The following ANKRD30BL variants were observed in gnomAD, a reference collection of about 807,000 sequenced individuals.
The protein encoded by ANKRD30BL is ankyrin repeat domain 30B like, also known as putative ankyrin repeat domain-containing protein 30B-like.
ANKRD30BL carries 20 observed loss-of-function variants against 18.4 expected under a neutral mutation model. That is an observed-to-expected ratio of 1.09 (90% CI 0.77 to 1.58). The LOEUF is 1.58. ANKRD30BL is among the 40% of genes most tolerant of loss of function. ANKRD30BL has a pLI of 0.00. For synonymous variants in ANKRD30BL, 72 were observed against 100.9 expected, an observed-to-expected ratio of 0.71 and a Z score of 1.72; for missense variants, 224 against 268.6, an observed-to-expected ratio of 0.83 and a Z score of 1.16.
intron 1 of ANKRD30BL, among the ~76,000 whole-genome samples, chr2:132,160,418 T>TTC (rs1338056545): frequency 2.1e-5 from 3 of 143,842 alleles, no homozygotes; most frequent in East Asian, 2.1e-4. Flanking sequence ...TTTTTTTTTT[T>TTC]CAAATTTTAT....
chr2:132,236,308 A>G (rs200773471), intron 1 of ANKRD30BL, among the ~76,000 whole-genome samples: 4 of 152,046 alleles, frequency 2.6e-5, no homozygotes, highest in African/African-American at 4.8e-5. Context: ...AACACCAAAA[A>G]CAATGGCAAC....
At chr2:132,164,533 C>G (rs1198825734), upstream of ANKRD30BL, among the ~76,000 whole-genome samples, 1 of 151,778 alleles carries the variant, frequency 6.6e-6, no homozygotes, top group Admixed American at 6.6e-5. Flanking sequence ...TCAGGTGATC[C>G]GCCCACCTTG....
chr2:132,173,867 T>C (rs1688322002), intron 1 of ANKRD30BL, among the ~76,000 whole-genome samples: 1 of 152,168 alleles, frequency 6.6e-6, no homozygotes, highest in African/African-American at 2.4e-5. Context: ...AATGTCCTAA[T>C]TTTTTCTCTT....
At chr2:132,248,184 T>A (rs1392871105) in intron 1 of ANKRD30BL, among the ~76,000 whole-genome samples, 1 of 152,068 alleles carries the variant, frequency 6.6e-6, no homozygotes, top group Non-Finnish European at 1.5e-5. Flanking sequence ...AACTGCTCAA[T>A]CAAAACAAAG....
At chr2:132,201,626 A>C (rs1679100239) in intron 1 of ANKRD30BL, among the ~76,000 whole-genome samples, 1 of 152,312 alleles carries the variant, frequency 6.6e-6, no homozygotes, top group African/African-American at 2.4e-5. Context: ...GGCAATCATT[A>C]AAAAGTCAGG....
rs561417960 is a variant in ANKRD30BL at position 132,230,272 on chromosome 2, G to A, written n.441+27257C>T. Among the ~76,000 whole-genome samples the A allele has an allele frequency of 2.1e-4, 32 of 152,000 alleles. No homozygotes were observed. In the South Asian group the frequency reaches 3.7e-3, roughly 18 times the overall value. ...GAATCTGCAAGTGAATTTATGGACC[G>A]CTTTGAGGCCTTCATTGGAAACGGG... On this transcript the variant is annotated intron_variant and non_coding_transcript_variant, in intron 1 of 4. Coordinates refer to the ANKRD30BL transcript ENST00000470729.
chr2:132,157,160 A>G lies in ANKRD30BL; in HGVS notation c.334-14T>C, dbSNP rs758856431. 5.0e-6 allele frequency: 7 copies of G among 1,401,160 alleles called. No homozygotes were observed. The highest frequency in any genetic ancestry group is 6.8e-6 in the Non-Finnish European group (7 of 1,027,872). The allele number at this position is 1,401,160 out of a possible 1,614,324, so 86.8% of individuals were successfully genotyped here. On this transcript the variant is annotated splice_polypyrimidine_tract_variant and intron_variant, in intron 2 of 5. Transcript: ENST00000409867. ...GCATTGCAGAGCCTGTCAGTATTAAAGCAAAAAGTAAATTATAAATTATAG... is the reference window on the plus strand; with the variant it reads ...GCATTGCAGAGCCTGTCAGTATTAAGGCAAAAAGTAAATTATAAATTATAG...
At chr2:132,184,848 C>T (rs1030817308) in intron 1 of ANKRD30BL, among the ~76,000 whole-genome samples, 2 of 151,040 alleles carry the variant, frequency 1.3e-5, no homozygotes, top group Non-Finnish European at 2.9e-5. Context: ...GAGTCTAACT[C>T]TGTCACCCAG....
chr2:132,237,384 C>T (rs62166180), intron 1 of ANKRD30BL, among the ~76,000 whole-genome samples: 2 of 151,840 alleles, frequency 1.3e-5, no homozygotes, highest in Non-Finnish European at 2.9e-5. Context: ...AAACACTCTT[C>T]TTGTTGAATT....
At chr2:132,220,437 C>T (rs1167270253) in intron 1 of ANKRD30BL, among the ~76,000 whole-genome samples, 5 of 151,744 alleles carry the variant, frequency 3.3e-5, no homozygotes, top group Admixed American at 6.6e-5. Context: ...TGTACTGCTG[C>T]GATCTCGGCT....
chr2:132,221,643 G>C (rs1385632236), intron 1 of ANKRD30BL, among the ~76,000 whole-genome samples: 3 of 120,876 alleles, frequency 2.5e-5, no homozygotes, highest in Non-Finnish European at 1.6e-5. Context: ...GGAGGGAGGT[G>C]GGGGGTTCAG....
intron 1 of ANKRD30BL, among the ~76,000 whole-genome samples, chr2:132,197,600 A>T (rs1252216946): frequency 2.0e-5 from 3 of 151,710 alleles, no homozygotes; most frequent in Non-Finnish European, 4.4e-5. Context: ...TTGAAATTAT[A>T]TATGTTTCTT....
intron 1 of ANKRD30BL, among the ~76,000 whole-genome samples, chr2:132,243,690 G>C (rs77175314): frequency 3.3e-5 from 5 of 151,460 alleles, no homozygotes; most frequent in Non-Finnish European, 7.4e-5. Flanking sequence ...TGTGCAAGTG[G>C]ATATTTTGAC....
At chr2:132,222,666 C>T (rs1220190532) in intron 1 of ANKRD30BL, among the ~76,000 whole-genome samples, 2 of 151,576 alleles carry the variant, frequency 1.3e-5, no homozygotes, top group Non-Finnish European at 2.9e-5. Flanking sequence ...TCACCACTCC[C>T]TAATCTTAAG....
At chr2:132,228,603 A>T (rs1412282460) in intron 1 of ANKRD30BL, among the ~76,000 whole-genome samples, 1 of 151,220 alleles carries the variant, frequency 6.6e-6, no homozygotes, top group Non-Finnish European at 1.5e-5. Context: ...AAATATTTTC[A>T]CATAGAAACT....
chr2:132,198,574 T>C (rs184758622), intron 1 of ANKRD30BL, among the ~76,000 whole-genome samples: 16 of 151,570 alleles, frequency 1.1e-4, no homozygotes, highest in African/African-American at 1.7e-4. Context: ...CTGCCCGCCT[T>C]GGCCTCCCAA....
chr2:132,236,890 G>C (rs1239383648), intron 1 of ANKRD30BL, among the ~76,000 whole-genome samples: 1 of 151,676 alleles, frequency 6.6e-6, no homozygotes, highest in African/African-American at 2.4e-5. Context: ...GTCCAACAAT[G>C]ATAGACTGGA....
At position 132,200,138 on chromosome 2, in the gene ANKRD30BL, G is replaced by A. The variant is rs1195044370; in HGVS notation, n.442-42992C>T. Among the ~76,000 whole-genome samples, 10 of 151,938 alleles carry A rather than the reference G, an allele frequency of 6.6e-5. No individual in the cohort carries two copies. The South Asian group carries it at 1.0e-3, about 16-fold the overall frequency. On this transcript the variant is annotated intron_variant and non_coding_transcript_variant, in intron 1 of 4. Transcript: ENST00000470729. Reference sequence around the variant, plus strand: ...TCAATAAATTAGGTATTGATGGGACGTATTTCAAAATAATAAGAGCTATCT... The same window carrying A: ...TCAATAAATTAGGTATTGATGGGACATATTTCAAAATAATAAGAGCTATCT...
chr2:132,243,189 C>A (rs115160886), intron 1 of ANKRD30BL, among the ~76,000 whole-genome samples: 1 of 151,286 alleles, frequency 6.6e-6, no homozygotes, highest in Non-Finnish European at 1.5e-5. Context: ...ACATTTGGAA[C>A]GATTTGAGAT....
Sources: gnomAD v4.1 joint callset for allele counts (sites outside exome capture counted in the v4.1 genomes callset) on GRCh38, gnomAD v4.1.1 for gene constraint, MANE v1.5 for transcripts, NCBI Gene and HGNC (gene_info 2026-07-23, HGNC 2026-07-21) for gene names.